Variants in GDAP1 observed in about 807,000 individuals in gnomAD.
GDAP1 encodes ganglioside induced differentiation associated protein 1.
Under a neutral mutation model 40.1 loss-of-function variants are expected in GDAP1, and 34 were observed. The ratio of observed to expected loss-of-function variants is 0.85; its 90% confidence interval spans 0.64 to 1.13. GDAP1 has a LOEUF of 1.13. Ranked by LOEUF, GDAP1 falls within the 50% of genes most tolerant of loss-of-function variation. The pLI is 0.00. For synonymous variants in GDAP1, 170 were observed against 157.4 expected, an observed-to-expected ratio of 1.08 and a Z score of -0.60; for missense variants, 374 against 433.7, an observed-to-expected ratio of 0.86 and a Z score of 1.22.
chr8:74,424,728 G>T (rs1428845524), intron 2 of GDAP1, among the ~76,000 whole-genome samples: 1 of 152,112 alleles, frequency 6.6e-6, no homozygotes. Context: ...TTCTGAGAGG[G>T]TGTTCATAGG....
chr8:74,456,959 C>T (rs1488707101), intron 2 of GDAP1, among the ~76,000 whole-genome samples: 1 of 152,016 alleles, frequency 6.6e-6, no homozygotes, highest in Non-Finnish European at 1.5e-5. Context: ...CTTTAGCCAA[C>T]TCCAGGAGAT....
intron 2 of GDAP1, among the ~76,000 whole-genome samples, chr8:74,443,067 G>T (rs1348450277): frequency 6.6e-6 from 1 of 152,196 alleles, no homozygotes; most frequent in Non-Finnish European, 1.5e-5. Context: ...GGAAGAAGTA[G>T]TTGATGCATT....
chr8:74,440,038 ATT>A (rs1410428142), intron 2 of GDAP1, among the ~76,000 whole-genome samples: 13 of 152,144 alleles, frequency 8.5e-5, no homozygotes, highest in Admixed American at 8.5e-4. Flanking sequence ...AAAATTTAAT[ATT>A]GTTATTAATT....
chr8:74,387,129 G>A (rs1810036988), intron 2 of GDAP1, among the ~76,000 whole-genome samples: 4 of 152,192 alleles, frequency 2.6e-5, no homozygotes, highest in Admixed American at 2.6e-4. Flanking sequence ...TCTGCAAACA[G>A]AGGCAATTCT....
At chr8:74,466,681 T>A (rs1017715527) in intron 2 of GDAP1, among the ~76,000 whole-genome samples, 1 of 151,784 alleles carries the variant, frequency 6.6e-6, no homozygotes, top group Non-Finnish European at 1.5e-5. Context: ...AGGAACAGTT[T>A]TTACATGTTA....
At chr8:74,458,058 C>T (rs140803252) in intron 2 of GDAP1, among the ~76,000 whole-genome samples, 17 of 152,016 alleles carry the variant, frequency 1.1e-4, no homozygotes, top group African/African-American at 3.6e-4. Flanking sequence ...TATCATTACC[C>T]CTAAAACATA....
At chr8:74,399,552 A>T in intron 2 of GDAP1, among the ~76,000 whole-genome samples, 1 of 142,186 alleles carries the variant, frequency 7.0e-6, no homozygotes, top group African/African-American at 2.9e-5. Flanking sequence ...TATTTCCTTC[A>T]GTTCTGCTCT....
intron 2 of GDAP1, among the ~76,000 whole-genome samples, chr8:74,447,613 T>A (rs1186417935): frequency 6.6e-6 from 1 of 152,116 alleles, no homozygotes; most frequent in African/African-American, 2.4e-5. Flanking sequence ...TTGTGATATA[T>A]CTTTTCCACA....
At chr8:74,474,641 G>A (rs1406632515) in intron 2 of GDAP1, among the ~76,000 whole-genome samples, 1 of 152,120 alleles carries the variant, frequency 6.6e-6, no homozygotes, top group African/African-American at 2.4e-5. Context: ...CAGGAATAAA[G>A]CCTACTTGAT....
At chr8:74,432,468 A>C (rs1806039874) in intron 2 of GDAP1, among the ~76,000 whole-genome samples, 1 of 152,186 alleles carries the variant, frequency 6.6e-6, no homozygotes, top group African/African-American at 2.4e-5. Flanking sequence ...TTAGTAAATA[A>C]AACCCAACTT....
At chr8:74,417,966 A>G (rs925158109) in intron 2 of GDAP1, among the ~76,000 whole-genome samples, 1 of 152,290 alleles carries the variant, frequency 6.6e-6, no homozygotes, top group Admixed American at 6.5e-5. Context: ...ATACATAGGC[A>G]TAAATCTAGC....
intron 2 of GDAP1, among the ~76,000 whole-genome samples, chr8:74,446,696 T>C (rs796852322): frequency 5.9e-5 from 9 of 152,212 alleles, no homozygotes; most frequent in Non-Finnish European, 1.2e-4. Context: ...TAAAATGTGG[T>C]AAATTCATAC....
chr8:74,371,617 G>A (rs987809244), downstream of GDAP1, among the ~76,000 whole-genome samples: 71 of 150,660 alleles, frequency 4.7e-4, no homozygotes, highest in African/African-American at 1.6e-3. Flanking sequence ...CCGAGATCGC[G>A]CCACTGCACT....
chr8:74,407,498 G>T lies in GDAP1; in HGVS notation c.165+56177G>T, dbSNP rs558269782. Among the ~76,000 whole-genome samples the T allele has an allele frequency of 6.7e-5, 10 of 149,638 alleles. 1 individual carries two copies. The highest frequency in any genetic ancestry group is 2.6e-4 in the African/African-American group (10 of 39,064). On this transcript the variant is annotated intron_variant, in intron 2 of 2. Transcript: ENST00000523640. ...GTCTTCTGGCCTCCACCTTTCTCCC[G>T]TGCTGGATGCTTCCTGCCCTTGAAC... is the stretch of plus-strand genomic sequence containing the variant.
chr8:74,471,862 T>C (rs911144959), intron 2 of GDAP1, among the ~76,000 whole-genome samples: 3 of 152,222 alleles, frequency 2.0e-5, no homozygotes, highest in Non-Finnish European at 4.4e-5. Flanking sequence ...TCCTTAATAT[T>C]GCTGAGTAGT....
intron 2 of GDAP1, among the ~76,000 whole-genome samples, chr8:74,421,096 T>C (rs970084407): frequency 6.6e-6 from 1 of 152,164 alleles, no homozygotes; most frequent in Non-Finnish European, 1.5e-5. Flanking sequence ...TATTGTGGAC[T>C]TAAAAGGATT....
At chr8:74,408,426 G>A (rs1481361724) in intron 2 of GDAP1, among the ~76,000 whole-genome samples, 2 of 149,926 alleles carry the variant, frequency 1.3e-5, no homozygotes, top group Non-Finnish European at 2.9e-5. Context: ...GCCTTTGGAA[G>A]GTGATTAGGT....
intron 2 of GDAP1, among the ~76,000 whole-genome samples, chr8:74,427,686 T>C (rs374762728): frequency 6.6e-6 from 1 of 152,144 alleles, no homozygotes; most frequent in Non-Finnish European, 1.5e-5. Context: ...TGCTAAGAAA[T>C]GAGATAAAAA....
intron 2 of GDAP1, among the ~76,000 whole-genome samples, chr8:74,388,437 C>T (rs1404280378): frequency 6.6e-6 from 1 of 152,064 alleles, no homozygotes; most frequent in Non-Finnish European, 1.5e-5. Flanking sequence ...TTGTTATTTA[C>T]CCAATAGTCC....
Sources: allele counts gnomAD v4.1 joint callset (sites outside exome capture counted in the v4.1 genomes callset), GRCh38; gene constraint gnomAD v4.1.1; transcripts MANE v1.5; gene names NCBI Gene and HGNC (gene_info 2026-07-23, HGNC 2026-07-21).